Variants in TRANK1 observed in about 807,000 individuals in gnomAD.
The protein encoded by TRANK1 is tetratricopeptide repeat and ankyrin repeat containing 1.
A neutral mutation model predicts 266.0 loss-of-function variants in TRANK1; 198 were observed. The observed-to-expected ratio is 0.74, with a 90% CI of 0.66 to 0.84. TRANK1 has a LOEUF of 0.84. TRANK1 is among the 40% of genes least tolerant of loss of function. TRANK1 has a pLI of 0.00. For missense variants in TRANK1, 3,326 were observed against 3,634.6 expected (o/e 0.92, Z 2.18); for synonymous variants, 1,396 against 1,384.1 (o/e 1.01, Z -0.19).
At chr3:36,938,608 A>G (rs956612738) in intron 1 of TRANK1, among the ~76,000 whole-genome samples, 1 of 152,204 alleles carries the variant, frequency 6.6e-6, no homozygotes, top group Non-Finnish European at 1.5e-5. Flanking sequence ...GACTTTGGCC[A>G]GGCTGAAAGA....
intron 9 of TRANK1, among the ~76,000 whole-genome samples, chr3:36,867,461 C>A (rs536713454): frequency 2.0e-5 from 3 of 152,300 alleles, no homozygotes; most frequent in Non-Finnish European, 2.9e-5. Context: ...GCGAAAGATT[C>A]AAACATCAGG....
At chr3:36,893,009 T>A in intron 5 of TRANK1, 25 bp from the exon 6 acceptor site, 1 of 1,431,674 alleles carries the variant, frequency 7.0e-7, no homozygotes, top group Non-Finnish European at 9.3e-7. Flanking sequence ...CAGAAAAGGC[T>A]GGAATAATAA....
In TRANK1 at chr3:36,895,744, A is replaced by T. The variant is rs2079780546; in HGVS notation, c.448T>A (p.Leu150Met). 1.3e-6 allele frequency: 2 copies of T among 1,533,706 alleles called. No homozygotes were observed. The highest frequency in any genetic ancestry group is 1.7e-6 in the Non-Finnish European group (2 of 1,145,672). Residue 150 changes from leucine to methionine, a missense_variant, in exon 5 of 24, where the codon TTG (leucine) becomes ATG (methionine). By Grantham distance (15) the Leu-to-Met change is conservative (BLOSUM62 2). Coordinates refer to ENST00000645898, the MANE Select transcript of TRANK1 (RefSeq NM_001329998.2). Reference protein sequence around the residue: ...FTTMSSDSIVLQSFLPCFDHI... With the variant: ...FTTMSSDSIVMQSFLPCFDHI... Reference sequence around the variant, plus strand: ...TCAAAGCAAGGCAAGAAACTTTGCAAAACAATGGAGTCACCTAAAAGAAAG... The same window carrying T: ...TCAAAGCAAGGCAAGAAACTTTGCATAACAATGGAGTCACCTAAAAGAAAG...
At chr3:36,923,255 A>ATT (rs2080241325) in intron 1 of TRANK1, among the ~76,000 whole-genome samples, 1 of 58,044 alleles carries the variant, frequency 1.7e-5, no homozygotes, top group Non-Finnish European at 3.6e-5. Flanking sequence ...TGTCTTGGTA[A>ATT]ATTTTTTTTT....
chr3:36,859,298 C>G (rs1360690879), intron 11 of TRANK1, among the ~76,000 whole-genome samples: 1 of 149,884 alleles, frequency 6.7e-6, no homozygotes, highest in Non-Finnish European at 1.5e-5. Flanking sequence ...ACTTTAAGTT[C>G]TGGGATACAT....
At chr3:36,853,838 A>G (rs930757882) in intron 13 of TRANK1, among the ~76,000 whole-genome samples, 1 of 152,210 alleles carries the variant, frequency 6.6e-6, no homozygotes, top group East Asian at 1.9e-4. Flanking sequence ...CAGAAAGATG[A>G]GTTGTCACCG....
chr3:36,902,103 A>G lies in TRANK1; in HGVS notation c.282+1046T>C, dbSNP rs138025386. ...CTTATAAGATCCACTGACACTAACA[A>G]TAGCTGATAAGCTTTAAAAAAATAA... On this transcript the variant is annotated intron_variant, in intron 3 of 23. Transcript: ENST00000645898. 4.3e-4 allele frequency among the ~76,000 whole-genome samples: 66 copies of G among 152,272 alleles called. 3 individuals are homozygous for G. In the East Asian group the frequency reaches 0.012, roughly 28 times the overall value.
chr3:36,903,690 G>A (rs2125625016), intron 2 of TRANK1, among the ~76,000 whole-genome samples: 1 of 152,316 alleles, frequency 6.6e-6, no homozygotes, highest in South Asian at 2.1e-4. Context: ...GGGGATGCAA[G>A]AACTCTGGGT....
chr3:36,905,210 C>T (rs1357625584), intron 2 of TRANK1, among the ~76,000 whole-genome samples: 5 of 151,696 alleles, frequency 3.3e-5, no homozygotes. Context: ...ATGGCGTGAA[C>T]CCGGGAGGCG....
chr3:36,878,951 C>T (rs922998634), intron 8 of TRANK1, among the ~76,000 whole-genome samples: 1 of 151,976 alleles, frequency 6.6e-6, no homozygotes, highest in African/African-American at 2.4e-5. Context: ...ATTTTGCTAA[C>T]AAACCATTGC....
intron 4 of TRANK1, among the ~76,000 whole-genome samples, chr3:36,897,361 C>T (rs2079808184): frequency 6.6e-6 from 1 of 152,170 alleles, no homozygotes; most frequent in Non-Finnish European, 1.5e-5. Context: ...GAAAATGAAG[C>T]CAGCCCTGGC....
rs1404729515 is a variant in TRANK1, at chr3:36,856,564, C to T, written c.3158G>A (p.Arg1053Gln). The T allele has an allele frequency of 5.0e-6, 8 of 1,613,858 alleles. No homozygotes were observed. In the East Asian group the frequency reaches 6.7e-5, roughly 13 times the overall value. ...DTTATVEYPF[R>Q]VGELEYAVID... is the part of the protein sequence containing the mutation. ...CACCGCGTACTCAAGCTCACCCACC[C>T]GGAAGGGGTACTCCACTGTGGCTGT... The change falls in exon 13 of 24, where the codon CGG becomes CAG. Residue 1053 changes from arginine (R) to glutamine (Q), a missense_variant. Transcript: ENST00000645898.
intron 18 of TRANK1, among the ~76,000 whole-genome samples, chr3:36,839,967 T>A (rs933342080): frequency 1.3e-5 from 2 of 152,146 alleles, no homozygotes; most frequent in Non-Finnish European, 2.9e-5. Context: ...TTTAGCAGGG[T>A]CAAAATAAAG....
intron 8 of TRANK1, among the ~76,000 whole-genome samples, chr3:36,876,388 A>G (rs564424816): frequency 6.6e-6 from 1 of 152,352 alleles, no homozygotes; most frequent in South Asian, 2.1e-4. Flanking sequence ...CTTGCCAATC[A>G]GATCATTCCA....
chr3:36,840,242 A>G (rs2078825551), intron 18 of TRANK1, among the ~76,000 whole-genome samples: 1 of 152,114 alleles, frequency 6.6e-6, no homozygotes. Flanking sequence ...CCAAAAAAAA[A>G]AAAAAAATTC....
At position 36,851,724 on chromosome 3, in the gene TRANK1, A is replaced by C; in HGVS notation, c.4882T>G (p.Ser1628Ala). The change falls in exon 15 of 24, where the codon TCT (serine) becomes GCT (alanine). Residue 1628 changes from serine (S) to alanine (A), a missense_variant. Transcript: ENST00000645898. Reference sequence around the variant, plus strand: ...AAGAATTAGGTGTGACATACCTCAGAATCAGTAAAAAAGTTGTAAAGGAGG... The same window carrying C: ...AAGAATTAGGTGTGACATACCTCAGCATCAGTAAAAAAGTTGTAAAGGAGG... ...DVLLYNFFTD[S>A]EAYKEWKIIS... is the part of the protein sequence containing the mutation. 1.2e-6 allele frequency: 2 copies of C among 1,611,014 alleles called. No homozygotes were observed. Among genetic ancestry groups the C allele is most frequent in the African/African-American group, 1.3e-5 (1 of 74,786 alleles).
intron 1 of TRANK1, among the ~76,000 whole-genome samples, chr3:36,917,931 A>G (rs1262344043): frequency 1.3e-5 from 2 of 152,262 alleles, no homozygotes; most frequent in African/African-American, 4.8e-5. Context: ...GGGAGGAGCT[A>G]TAATGAAAAA....
At chr3:36,888,749 CCA>C (rs928120740) in intron 8 of TRANK1, among the ~76,000 whole-genome samples, 1 of 152,142 alleles carries the variant, frequency 6.6e-6, no homozygotes, top group Admixed American at 6.5e-5. Flanking sequence ...TCACAAGATT[CCA>C]CAGTTTTAAA....
intron 1 of TRANK1, among the ~76,000 whole-genome samples, chr3:36,933,548 C>T (rs1460182559): frequency 2.0e-5 from 3 of 152,212 alleles, no homozygotes; most frequent in Non-Finnish European, 4.4e-5. Context: ...AGGCTTATCT[C>T]CTAGCATCCA....
Sources: gnomAD v4.1 joint callset for allele counts (sites outside exome capture counted in the v4.1 genomes callset) on GRCh38, gnomAD v4.1.1 for gene constraint, MANE v1.5 for transcripts, NCBI Gene and HGNC (gene_info 2026-07-23, HGNC 2026-07-21) for gene names.